Variants in SFXN5 observed in about 807,000 individuals in gnomAD.
SFXN5 encodes sideroflexin-5.
In SFXN5, 43 loss-of-function variants were observed where a neutral mutation model predicts 50.2. The observed-to-expected ratio is 0.86, with a 90% CI of 0.67 to 1.11. The LOEUF (loss-of-function observed/expected upper bound fraction) is 1.11. Among genes scored for constraint, SFXN5 ranks in the 50% least tolerant of loss-of-function variants. SFXN5 has a pLI of 0.00. For missense variants in SFXN5, 463 were observed against 454.1 expected, an observed-to-expected ratio of 1.02 and a Z score of -0.18; for synonymous variants, 203 against 185.8, an observed-to-expected ratio of 1.09 and a Z score of -0.75.
intron 1 of SFXN5, among the ~76,000 whole-genome samples, chr2:73,069,351 G>C (rs1683406422): frequency 6.6e-6 from 1 of 152,170 alleles, no homozygotes; most frequent in Non-Finnish European, 1.5e-5. Flanking sequence ...CTTGAGAGCT[G>C]TGTAAGAGGT....
intron 1 of SFXN5, among the ~76,000 whole-genome samples, chr2:73,061,971 G>C (rs912671901): frequency 6.6e-6 from 1 of 151,994 alleles, no homozygotes; most frequent in Non-Finnish European, 1.5e-5. Flanking sequence ...TTAAAAATTA[G>C]CCAGGCATGG....
intron 9 of SFXN5, chr2:72,998,573 G>C (rs1401799196): frequency 2.3e-5 from 5 of 217,086 alleles, no homozygotes; most frequent in Non-Finnish European, 3.7e-5. Flanking sequence ...CAGGCACATG[G>C]GCAGGCCTTG....
chr2:72,971,924 G>A (rs987596694), intron 10 of SFXN5, among the ~76,000 whole-genome samples: 1 of 152,140 alleles, frequency 6.6e-6, no homozygotes, highest in African/African-American at 2.4e-5. Flanking sequence ...GAGGACACCC[G>A]TTCTGGCCTC....
At chr2:72,985,134 C>T (rs186607084) in intron 10 of SFXN5, among the ~76,000 whole-genome samples, 3 of 152,214 alleles carry the variant, frequency 2.0e-5, no homozygotes, top group Non-Finnish European at 4.4e-5. Context: ...CTTTCCCCAA[C>T]CTCCTTCCCA....
intron 1 of SFXN5, 87 bp from the exon 2 acceptor site, chr2:73,058,683 T>C (rs1424286341): frequency 7.6e-7 from 1 of 1,317,192 alleles, no homozygotes; most frequent in Non-Finnish European, 1.1e-6. Context: ...CCTTTATGAT[T>C]GGGGTCCCCC....
intron 1 of SFXN5, among the ~76,000 whole-genome samples, chr2:73,069,331 G>T (rs146898507): frequency 4.5e-4 from 69 of 152,278 alleles, no homozygotes; most frequent in Admixed American, 1.6e-3. Context: ...TGGCAGTAGA[G>T]ATGGGTGGAC....
intron 1 of SFXN5, among the ~76,000 whole-genome samples, chr2:73,068,696 AG>A (rs1249183205): frequency 6.6e-6 from 1 of 152,154 alleles, no homozygotes; most frequent in African/African-American, 2.4e-5. Flanking sequence ...GAGAGTCAAC[AG>A]GGAGTAAAGA....
At chr2:73,047,265 T>TACAC (rs1559199795) in intron 2 of SFXN5, among the ~76,000 whole-genome samples, 9 of 78,382 alleles carry the variant, frequency 1.1e-4, no homozygotes, top group African/African-American at 4.7e-4. Context: ...TATATATATA[T>TACAC]ATATATATAT....
intron 11 of SFXN5, among the ~76,000 whole-genome samples, chr2:72,971,304 G>A (rs916322660): frequency 2.6e-5 from 4 of 152,236 alleles, no homozygotes; most frequent in African/African-American, 7.2e-5. Context: ...CCTCCTCTGG[G>A]TGAGACAAGC....
At chr2:72,976,088 G>A (rs1670587416) in intron 10 of SFXN5, among the ~76,000 whole-genome samples, 1 of 152,208 alleles carries the variant, frequency 6.6e-6, no homozygotes, top group Non-Finnish European at 1.5e-5. Flanking sequence ...GTAAAACCCT[G>A]TAATTGGCAT....
chr2:73,001,786 T>C (rs909066219), intron 6 of SFXN5, among the ~76,000 whole-genome samples: 1 of 152,190 alleles, frequency 6.6e-6, no homozygotes, highest in Non-Finnish European at 1.5e-5. Context: ...CATAATCTTA[T>C]TTATTTAAAG....
chr2:73,053,945 C>T (rs1239579342), intron 2 of SFXN5, among the ~76,000 whole-genome samples: 2 of 152,208 alleles, frequency 1.3e-5, no homozygotes, highest in African/African-American at 4.8e-5. Context: ...TGGACTGACT[C>T]CAGCATTGAG....
chr2:72,947,556 G>A (rs1378386893), intron 13 of SFXN5, among the ~76,000 whole-genome samples: 3 of 152,248 alleles, frequency 2.0e-5, no homozygotes, highest in African/African-American at 7.2e-5. Context: ...GCAACCCTGG[G>A]AAGTGGGCAG....
chr2:72,975,087 G>A (rs184387257), intron 10 of SFXN5, among the ~76,000 whole-genome samples: 1 of 152,238 alleles, frequency 6.6e-6, no homozygotes. Flanking sequence ...CAAGGAATGA[G>A]AGAGAGAAAG....
rs1248514569 is a variant in SFXN5 at position 72,994,556 on chromosome 2, G to A, written c.534+4393C>T. 4.6e-5 allele frequency among the ~76,000 whole-genome samples: 7 copies of A among 152,118 alleles called. No homozygotes were observed. In the East Asian group the frequency reaches 1.4e-3, roughly 29 times the overall value. ...TAAGGGTGTGAGGAATGGGCGTGAAGTGCCTCTCATCATGTGGCTCCCCCA... is the reference window on the plus strand; with the variant it reads ...TAAGGGTGTGAGGAATGGGCGTGAAATGCCTCTCATCATGTGGCTCCCCCA... On this transcript the variant is annotated intron_variant, in intron 9 of 13. Coordinates refer to ENST00000272433, the MANE Select transcript of SFXN5 (RefSeq NM_144579.3).
At chr2:73,041,934 AG>A (rs1679700258) in intron 2 of SFXN5, among the ~76,000 whole-genome samples, 1 of 152,148 alleles carries the variant, frequency 6.6e-6, no homozygotes, top group Admixed American at 6.5e-5. Context: ...CCTGGGCTCA[AG>A]CGAGATCTGC....
intron 13 of SFXN5, among the ~76,000 whole-genome samples, chr2:72,952,965 T>G (rs976543583): frequency 6.6e-6 from 1 of 152,084 alleles, no homozygotes; most frequent in Non-Finnish European, 1.5e-5. Context: ...GCCTTCTCCC[T>G]CCCTATCCTG....
At position 72,944,785 on chromosome 2, in the gene SFXN5, A is replaced by G. The variant is rs980601214; in HGVS notation, c.*237T>C. ...CTGAGTGGAGTTTTGACAACCCCAC[A>G]TAAGGCCCAGAAATGCACTTGATTA... is the stretch of plus-strand genomic sequence containing the variant. On this transcript the variant is annotated 3_prime_UTR_variant, in exon 14 of 14. Coordinates refer to ENST00000272433, the MANE Select transcript of SFXN5 (RefSeq NM_144579.3). 1.3e-4 allele frequency: 65 copies of G among 497,496 alleles called. No individual in the cohort carries two copies. The highest frequency in any genetic ancestry group is 2.2e-4 in the Non-Finnish European group (62 of 280,760). 30.8% of individuals were successfully genotyped at this position (497,496 alleles called of 1,614,324 possible).
chr2:72,959,642 C>G (rs961123635), intron 13 of SFXN5, among the ~76,000 whole-genome samples: 1 of 152,152 alleles, frequency 6.6e-6, no homozygotes, highest in Non-Finnish European at 1.5e-5. Flanking sequence ...CACTCCTCTT[C>G]CACCTACTGA....
Sources: gnomAD v4.1 joint callset for allele counts (sites outside exome capture counted in the v4.1 genomes callset) on GRCh38, gnomAD v4.1.1 for gene constraint, MANE v1.5 for transcripts, NCBI Gene and HGNC (gene_info 2026-07-23, HGNC 2026-07-21) for gene names.